The following KIAA1217 variants were observed in gnomAD, a reference collection of about 807,000 sequenced individuals.
The protein encoded by KIAA1217 is sickle tail protein homolog.
A neutral mutation model predicts 163.9 loss-of-function variants in KIAA1217; 88 were observed. The observed-to-expected ratio is 0.54, with a 90% CI of 0.45 to 0.64. The LOEUF is 0.64. Ranked by LOEUF, KIAA1217 falls within the 30% of genes least tolerant of loss-of-function variation. The pLI, the probability that KIAA1217 is intolerant of heterozygous loss-of-function variation, is 0.00. For missense variants in KIAA1217, 2,372 were observed against 2,475.0 expected, an observed-to-expected ratio of 0.96 and a Z score of 0.88; for synonymous variants, 903 against 923.1, an observed-to-expected ratio of 0.98 and a Z score of 0.39.
chr10:24,016,349 TC>T (rs1461432295), intron 2 of KIAA1217, among the ~76,000 whole-genome samples: 1 of 152,148 alleles, frequency 6.6e-6, no homozygotes, highest in Admixed American at 6.6e-5. Context: ...CTAGGGGTCA[TC>T]CCTGTGTTTT....
intron 1 of KIAA1217, among the ~76,000 whole-genome samples, chr10:23,907,581 G>A (rs1312832835): frequency 1.3e-5 from 2 of 152,066 alleles, no homozygotes; most frequent in African/African-American, 4.8e-5. Context: ...CCCAGGGCAG[G>A]AGAAGATGGA....
intron 1 of KIAA1217, among the ~76,000 whole-genome samples, chr10:24,006,119 T>G (rs1846986014): frequency 6.6e-6 from 1 of 152,234 alleles, no homozygotes; most frequent in Admixed American, 6.5e-5. Context: ...TATTCATAAC[T>G]ATTGAACTCA....
At chr10:23,708,294 A>G (rs761205268) in intron 1 of KIAA1217, among the ~76,000 whole-genome samples, 14 of 152,156 alleles carry the variant, frequency 9.2e-5, no homozygotes, top group Non-Finnish European at 1.5e-4. Context: ...GCTGCAATTC[A>G]AGATGAGATT....
At chr10:23,946,798 C>T (rs1036725715) in intron 1 of KIAA1217, among the ~76,000 whole-genome samples, 2 of 152,040 alleles carry the variant, frequency 1.3e-5, no homozygotes, top group African/African-American at 2.4e-5. Flanking sequence ...TTTGGAGAGA[C>T]CATTTTTATT....
In KIAA1217 at chr10:23,747,226, C is replaced by T. The variant is rs531002355; in HGVS notation, c.-321+51992C>T. On this transcript the variant is annotated intron_variant, in intron 1 of 18. Coordinates refer to the KIAA1217 transcript ENST00000376462. ...GCTAGAAACAAGAAGGCTGCTGGGG[C>T]GATGACAGTAGCCAGAGGAGTCTTG... 8.6e-5 allele frequency among the ~76,000 whole-genome samples: 13 copies of T among 152,040 alleles called. No individual in the cohort carries two copies. The South Asian group carries it at 1.5e-3, about 17-fold the overall frequency.
At position 24,494,496 on chromosome 10, in the gene KIAA1217, A is replaced by G. The variant is rs1313062537; in HGVS notation, c.1680-4A>G. ...CTTTAACAAACAATTCTCTTGTTTT[A>G]CAGAGAGAGGATGCAAGCCATGGAG... On this transcript the variant is annotated splice_polypyrimidine_tract_variant and splice_region_variant and intron_variant, in intron 6 of 20. Transcript: ENST00000376454. 1.2e-6 allele frequency: 2 copies of G among 1,609,660 alleles called. No individual in the cohort carries two copies. Among genetic ancestry groups the G allele is most frequent in the Admixed American group, 1.7e-5 (1 of 59,630 alleles).
At chr10:24,054,898 G>A (rs528214586) in intron 2 of KIAA1217, among the ~76,000 whole-genome samples, 1 of 152,224 alleles carries the variant, frequency 6.6e-6, no homozygotes, top group East Asian at 1.9e-4. Context: ...ATAATCTAAT[G>A]GGACTCCTGT....
intron 11 of KIAA1217, among the ~76,000 whole-genome samples, chr10:24,520,652 AT>A (rs1469329720): frequency 1.2e-4 from 8 of 68,966 alleles, no homozygotes; most frequent in Non-Finnish European, 1.9e-4. Context: ...AAAAAAAAAA[AT>A]ATATATATAT....
At chr10:24,528,999 G>A (rs137899477) in intron 14 of KIAA1217, among the ~76,000 whole-genome samples, 17 of 152,180 alleles carry the variant, frequency 1.1e-4, no homozygotes, top group East Asian at 1.9e-4. Flanking sequence ...CAAGCCACGC[G>A]TCTTATTCTG....
In KIAA1217 at chr10:24,520,196, G is replaced by A. The variant is rs761928869; in HGVS notation, c.2251G>A (p.Val751Met). Residue 751 changes from valine (V) to methionine (M), a missense_variant, in exon 11 of 21, where the codon GTG (valine) becomes ATG (methionine). Val to Met is a conservative substitution (Grantham distance 21, BLOSUM62 1). Coordinates refer to ENST00000376454, the MANE Select transcript of KIAA1217 (RefSeq NM_019590.5). ...AASRLVTLKDVEDGAFLLRQV... is the reference protein window; with the variant it reads ...AASRLVTLKDMEDGAFLLRQV... ...CAGCCGATTGGTTACTCTGAAAGAC[G>A]TGGAAGACGGGGCTTTCCTCCTGCG... 4 of 1,614,144 alleles carry A rather than the reference G, an allele frequency of 2.5e-6. No homozygotes were observed. The South Asian group carries it at 3.3e-5, about 13-fold the overall frequency.
At chr10:24,545,665 C>A in intron 20 of KIAA1217, 162 bp from the exon 21 acceptor site, 1 of 1,430,442 alleles carries the variant, frequency 7.0e-7, no homozygotes, top group South Asian at 1.6e-5. Context: ...GGGTTTCTAC[C>A]AGGTCCAGTA....
chr10:23,805,344 C>T lies in KIAA1217; in HGVS notation c.-321+110110C>T, dbSNP rs375462622. 1.0e-3 allele frequency among the ~76,000 whole-genome samples: 152 copies of T among 152,144 alleles called. 3 individuals are homozygous for T. The South Asian group carries it at 0.03, about 30-fold the overall frequency. ...CATGTATTATGGACTACTGTGTAGC[C>T]ATAAAAAAGAATACGATCATGTCCT... On this transcript the variant is annotated intron_variant, in intron 1 of 18. Coordinates refer to the KIAA1217 transcript ENST00000376462.
intron 1 of KIAA1217, among the ~76,000 whole-genome samples, chr10:23,704,654 C>A (rs1174185650): frequency 6.6e-6 from 1 of 152,040 alleles, no homozygotes; most frequent in Non-Finnish European, 1.5e-5. Context: ...CTTTTTATTG[C>A]CAAATAAAAG....
intron 2 of KIAA1217, among the ~76,000 whole-genome samples, chr10:24,008,441 G>A (rs1381455323): frequency 6.6e-6 from 1 of 152,098 alleles, no homozygotes; most frequent in Non-Finnish European, 1.5e-5. Context: ...ACGGTAGAAA[G>A]TTTGCAAAAT....
chr10:23,880,245 C>T (rs936206605), intron 1 of KIAA1217, among the ~76,000 whole-genome samples: 7 of 151,820 alleles, frequency 4.6e-5, no homozygotes, highest in Non-Finnish European at 8.8e-5. Context: ...GGTATGTACA[C>T]ACAATGAAGT....
At chr10:23,741,035 A>G (rs1839084900) in intron 1 of KIAA1217, among the ~76,000 whole-genome samples, 1 of 152,186 alleles carries the variant, frequency 6.6e-6, no homozygotes, top group African/African-American at 2.4e-5. Flanking sequence ...TGGATGTCCT[A>G]CCCTTTCTGT....
chr10:23,819,334 A>G (rs1018795063), intron 1 of KIAA1217, among the ~76,000 whole-genome samples: 10 of 152,096 alleles, frequency 6.6e-5, no homozygotes, highest in African/African-American at 2.4e-4. Flanking sequence ...GAAAGAGAGG[A>G]GTGTGCCCTT....
intron 1 of KIAA1217, among the ~76,000 whole-genome samples, chr10:23,806,925 A>G (rs1252653891): frequency 2.0e-5 from 3 of 152,316 alleles, no homozygotes; most frequent in Middle Eastern, 3.4e-3. Context: ...CTGCATTCAC[A>G]ATATCTTGGC....
At chr10:24,350,354 G>A (rs1276678157) in intron 2 of KIAA1217, among the ~76,000 whole-genome samples, 1 of 152,186 alleles carries the variant, frequency 6.6e-6, no homozygotes, top group Non-Finnish European at 1.5e-5. Context: ...GAGGAGGGGA[G>A]GCAGTCTGGT....
Sources: gnomAD v4.1 joint callset for allele counts (sites outside exome capture counted in the v4.1 genomes callset) on GRCh38, gnomAD v4.1.1 for gene constraint, MANE v1.5 for transcripts, NCBI Gene and HGNC (gene_info 2026-07-23, HGNC 2026-07-21) for gene names.